The following XPO6 variants were observed in gnomAD, a reference collection of about 807,000 sequenced individuals.
XPO6 encodes the protein exportin 6, also known as exportin-6.
A neutral mutation model predicts 130.0 loss-of-function variants in XPO6; 3 were observed. That is an observed-to-expected ratio of 0.02 (90% CI 0.01 to 0.06). The LOEUF (loss-of-function observed/expected upper bound fraction) is 0.06, where lower values mean the gene tolerates loss of function less well. Ranked by LOEUF, XPO6 falls within the 10% of genes least tolerant of loss-of-function variation. The pLI is 1.00. For synonymous variants in XPO6, 524 were observed against 548.9 expected (o/e 0.95, Z 0.63); for missense variants, 970 against 1,393.0 (o/e 0.70, Z 4.83).
intron 13 of XPO6, among the ~76,000 whole-genome samples, chr16:28,124,350 G>A (rs938082962): frequency 3.3e-5 from 5 of 152,132 alleles, no homozygotes; most frequent in Non-Finnish European, 5.9e-5. Flanking sequence ...GAGCCACTGC[G>A]CCCCGCCAAC....
rs981253977 is a variant in XPO6, at chr16:28,121,701, G to A, written c.1828C>T (p.Pro610Ser). The change falls in exon 14 of 24, where the codon CCA becomes TCA. Residue 610 changes from proline (P) to serine (S), a missense_variant. Pro to Ser is a moderately conservative substitution (Grantham distance 74, BLOSUM62 -1). Coordinates refer to ENST00000304658, the MANE Select transcript of XPO6 (RefSeq NM_015171.4). ...IKLYNIETAVPSVLKPDLIDV... is the reference protein window; with the variant it reads ...IKLYNIETAVSSVLKPDLIDV... ...ATGAGGTCAGGTTTCAATACTGATG[G>A]CACAGCAGTTTCAATGTTGTACAAT... 3 of 1,613,708 alleles carry A rather than the reference G, an allele frequency of 1.9e-6. No individual in the cohort carries two copies. The highest frequency in any genetic ancestry group is 2.5e-6 in the Non-Finnish European group (3 of 1,179,786).
At chr16:28,161,378 G>C (rs1437389623) in intron 6 of XPO6, among the ~76,000 whole-genome samples, 11 of 152,110 alleles carry the variant, frequency 7.2e-5, no homozygotes, top group Admixed American at 7.2e-4. Flanking sequence ...AAGTTGGCTA[G>C]CCTTTCTCAG....
At chr16:28,149,078 A>G (rs974539168) in intron 8 of XPO6, among the ~76,000 whole-genome samples, 38 of 150,378 alleles carry the variant, frequency 2.5e-4, no homozygotes, top group African/African-American at 9.1e-4. Flanking sequence ...AAAAAACAAA[A>G]GGAAGGTGGA....
chr16:28,120,182 T>TA (rs1225166914), intron 14 of XPO6, among the ~76,000 whole-genome samples: 2 of 152,070 alleles, frequency 1.3e-5, no homozygotes, highest in Non-Finnish European at 2.9e-5. Flanking sequence ...AAAATAATAA[T>TA]AATAATCATC....
At chr16:28,135,723 T>C (rs1453770102) in intron 9 of XPO6, among the ~76,000 whole-genome samples, 1 of 152,232 alleles carries the variant, frequency 6.6e-6, no homozygotes, top group African/African-American at 2.4e-5. Flanking sequence ...GTGAGTCTCT[T>C]GTAGACAACA....
intron 2 of XPO6, 53 bp downstream of exon 2, chr16:28,180,888 T>C: frequency 4.1e-6 from 6 of 1,472,580 alleles, no homozygotes. Flanking sequence ...CCTTCCTCCC[T>C]ACCAGGGCCT....
intron 13 of XPO6, among the ~76,000 whole-genome samples, chr16:28,124,759 C>T (rs1175384150): frequency 6.6e-6 from 1 of 152,224 alleles, no homozygotes; most frequent in Non-Finnish European, 1.5e-5. Context: ...ATGAATCTGG[C>T]TTTTAAGGGA....
intron 17 of XPO6, among the ~76,000 whole-genome samples, chr16:28,110,864 G>A (rs1189770527): frequency 6.6e-6 from 1 of 152,196 alleles, no homozygotes; most frequent in African/African-American, 2.4e-5. Flanking sequence ...CTTGACGATG[G>A]ATATAGAATC....
chr16:28,177,447 CA>C, intron 2 of XPO6, 115 bp from the exon 3 acceptor site: 1 of 575,532 alleles, frequency 1.7e-6, no homozygotes. Context: ...TAAATGATGT[CA>C]AAACCAGCGG....
chr16:28,151,484 T>C (rs1023567066), intron 8 of XPO6, among the ~76,000 whole-genome samples: 3 of 152,146 alleles, frequency 2.0e-5, no homozygotes, highest in Non-Finnish European at 4.4e-5. Context: ...TGTGCTTTCA[T>C]TCAGAGAAGC....
At chr16:28,156,834 T>G (rs894751621) in intron 6 of XPO6, among the ~76,000 whole-genome samples, 4 of 152,132 alleles carry the variant, frequency 2.6e-5, no homozygotes, top group African/African-American at 7.2e-5. Flanking sequence ...CCAGGAGACA[T>G]AAGTGAAGAG....
intron 14 of XPO6, among the ~76,000 whole-genome samples, chr16:28,118,944 T>C (rs1244037623): frequency 6.6e-6 from 1 of 152,196 alleles, no homozygotes; most frequent in African/African-American, 2.4e-5. Context: ...CGGATAGGAT[T>C]GCTACTGGAT....
intron 14 of XPO6, among the ~76,000 whole-genome samples, chr16:28,118,214 G>A (rs962721417): frequency 1.3e-5 from 2 of 152,140 alleles, no homozygotes; most frequent in African/African-American, 2.4e-5. Context: ...ATTTATTAAC[G>A]ACTCCTGCCT....
rs768661455 is a variant in XPO6, at chr16:28,104,657, C to G, written c.2835G>C (p.Thr945=). ...KAELFELLFR[T]LHHNWRYFFK... is the part of the protein sequence containing the mutation. ...AGAAGTACCTCCAGTTGTGATGGAG[C>G]GTCCGGAAAAGGAGCTCAAACAGCT... Residue 945 remains threonine (T), a synonymous_variant, in exon 21 of 24, where the codon ACG becomes ACC. Transcript: ENST00000304658. The G allele has an allele frequency of 6.2e-7, 1 of 1,614,166 alleles. No individual in the cohort carries two copies. Among genetic ancestry groups the G allele is most frequent in the Non-Finnish European group, 8.5e-7 (1 of 1,180,038 alleles).
chr16:28,162,725 G>GAT (rs1392100375), intron 6 of XPO6, among the ~76,000 whole-genome samples: 3 of 151,134 alleles, frequency 2.0e-5, no homozygotes, highest in Non-Finnish European at 4.4e-5. Context: ...ACCATGCCCA[G>GAT]ATATATATAT....
intron 1 of XPO6, among the ~76,000 whole-genome samples, chr16:28,206,163 C>T (rs1055112226): frequency 1.1e-4 from 17 of 151,566 alleles, no homozygotes; most frequent in African/African-American, 4.1e-4. Context: ...CACACACACA[C>T]ACACATATTA....
chr16:28,100,798 C>T (rs2086640390), intron 23 of XPO6, among the ~76,000 whole-genome samples: 1 of 152,218 alleles, frequency 6.6e-6, no homozygotes, highest in Admixed American at 6.5e-5. Flanking sequence ...GTCCCAGGCA[C>T]TGTCAGGCTC....
At chr16:28,118,097 A>C (rs578138602) in intron 14 of XPO6, among the ~76,000 whole-genome samples, 33 of 152,378 alleles carry the variant, frequency 2.2e-4, no homozygotes, top group African/African-American at 7.7e-4. Context: ...CAAAACACCA[A>C]GCCTTCCAAC....
chr16:28,106,812 C>G lies in XPO6; in HGVS notation c.2498-315G>C, dbSNP rs1408728325. ...TCACTGGAGAGGGATCACTTTGTGC[C>G]CACACTGATGAATGCCAACTGGGTC... On this transcript the variant is annotated intron_variant, in intron 18 of 23. Coordinates refer to ENST00000304658, the MANE Select transcript of XPO6 (RefSeq NM_015171.4). The surrounding 1 kb of genome is among the most constrained non-coding windows in gnomAD (Gnocchi z 4.2). 6.6e-6 allele frequency among the ~76,000 whole-genome samples: 1 copy of G among 152,156 alleles called. No homozygotes were observed. Among genetic ancestry groups the G allele is most frequent in the East Asian group, 1.9e-4 (1 of 5,196 alleles).
Sources: allele counts gnomAD v4.1 joint callset (sites outside exome capture counted in the v4.1 genomes callset), GRCh38; gene constraint gnomAD v4.1.1; non-coding constraint Gnocchi (gnomAD v3.1); transcripts MANE v1.5; gene names NCBI Gene and HGNC (gene_info 2026-07-23, HGNC 2026-07-21).